Variants in MSRA observed in about 807,000 individuals in gnomAD.
MSRA encodes methionine sulfoxide reductase A.
Under a neutral mutation model 31.3 loss-of-function variants are expected in MSRA, and 54 were observed. The observed-to-expected ratio is 1.73, with a 90% CI of 1.39 to 2.17. The LOEUF (loss-of-function observed/expected upper bound fraction) is 2.17, where lower values mean the gene tolerates loss of function less well. MSRA is among the 30% of genes most tolerant of loss of function. The pLI, the probability that MSRA is intolerant of heterozygous loss-of-function variation, is 0.00. For missense variants in MSRA, 507 were observed against 300.9 expected (o/e 1.69, Z -5.07); for synonymous variants, 169 against 116.5 (o/e 1.45, Z -2.90).
At chr8:10,060,779 A>G (rs1052775694) in intron 1 of MSRA, among the ~76,000 whole-genome samples, 8 of 152,042 alleles carry the variant, frequency 5.3e-5, no homozygotes, top group African/African-American at 1.7e-4. Flanking sequence ...AATCCAAGTC[A>G]TTTTACATTT....
intron 5 of MSRA, among the ~76,000 whole-genome samples, chr8:10,393,853 C>G (rs936415158): frequency 6.6e-6 from 1 of 152,178 alleles, no homozygotes; most frequent in Admixed American, 6.5e-5. Flanking sequence ...TACATGGTCA[C>G]TATTCAGGCT....
At chr8:10,317,153 G>C (rs183594969) in intron 4 of MSRA, among the ~76,000 whole-genome samples, 1 of 152,214 alleles carries the variant, frequency 6.6e-6, no homozygotes, top group African/African-American at 2.4e-5. Context: ...CCCTAAGATA[G>C]AGATAGCGAT....
At chr8:10,199,126 A>G (rs1378859974) in intron 1 of MSRA, among the ~76,000 whole-genome samples, 1 of 152,118 alleles carries the variant, frequency 6.6e-6, no homozygotes, top group African/African-American at 2.4e-5. Context: ...TTGCAGAATC[A>G]TGGATGCCTG....
intron 3 of MSRA, among the ~76,000 whole-genome samples, chr8:10,248,025 G>A (rs371065727): frequency 6.6e-6 from 1 of 152,278 alleles, no homozygotes. Context: ...GAAGCCTCTG[G>A]TGCTCAAAGC....
rs576781815 is a variant in MSRA at position 10,272,321 on chromosome 8, G to A, written c.331+27098G>A. On this transcript the variant is annotated intron_variant, in intron 3 of 5. Coordinates refer to ENST00000317173, the MANE Select transcript of MSRA (RefSeq NM_012331.5). ...CTGGTGAGTTCCAAGATCTAAGCTG[G>A]AGAACAAGAGAGCTGATGGCATAGT... Among the ~76,000 whole-genome samples the A allele has an allele frequency of 1.3e-4, 20 of 152,256 alleles. No homozygotes were observed. The South Asian group carries it at 3.9e-3, about 30-fold the overall frequency.
chr8:10,180,736 A>G (rs555353370), intron 1 of MSRA, among the ~76,000 whole-genome samples: 1 of 152,114 alleles, frequency 6.6e-6, no homozygotes, highest in Non-Finnish European at 1.5e-5. Flanking sequence ...TATTTCGTGT[A>G]TTTTTGTCTG....
chr8:10,355,744 G>GAAT (rs1804470037), intron 5 of MSRA, among the ~76,000 whole-genome samples: 1 of 152,114 alleles, frequency 6.6e-6, no homozygotes, highest in African/African-American at 2.4e-5. Flanking sequence ...CCTGGGTGAG[G>GAAT]GTCTGCAGAT....
chr8:10,156,571 G>A (rs1939285984), intron 1 of MSRA, among the ~76,000 whole-genome samples: 1 of 152,266 alleles, frequency 6.6e-6, no homozygotes, highest in Admixed American at 6.5e-5. Context: ...TAAACAATAA[G>A]TAAAACTAAG....
intron 2 of MSRA, among the ~76,000 whole-genome samples, chr8:10,232,143 G>A (rs1655094728): frequency 6.6e-6 from 1 of 152,154 alleles, no homozygotes; most frequent in Non-Finnish European, 1.5e-5. Flanking sequence ...GTACGTGGCT[G>A]TGTTCTGAGT....
chr8:10,271,350 A>C (rs1379670683), intron 3 of MSRA, among the ~76,000 whole-genome samples: 1 of 152,148 alleles, frequency 6.6e-6, no homozygotes, highest in African/African-American at 2.4e-5. Flanking sequence ...TAAATATATG[A>C]GTGTGTTTTT....
At chr8:10,146,087 G>A (rs919020710) in intron 1 of MSRA, among the ~76,000 whole-genome samples, 1 of 152,202 alleles carries the variant, frequency 6.6e-6, no homozygotes, top group African/African-American at 2.4e-5. Flanking sequence ...TCAGAGCTGA[G>A]TTAGAAATGG....
intron 1 of MSRA, among the ~76,000 whole-genome samples, chr8:10,062,627 C>T (rs1278344812): frequency 7.2e-5 from 11 of 152,144 alleles, no homozygotes; most frequent in Admixed American, 5.9e-4. Context: ...GGCACATAAT[C>T]GGTAAGTCCA....
intron 1 of MSRA, among the ~76,000 whole-genome samples, chr8:10,189,889 G>T (rs1807364438): frequency 6.6e-6 from 1 of 152,136 alleles, no homozygotes; most frequent in African/African-American, 2.4e-5. Flanking sequence ...GTTTACATAG[G>T]ATTGATATTA....
intron 3 of MSRA, among the ~76,000 whole-genome samples, chr8:10,262,334 T>G (rs780552806): frequency 3.3e-5 from 5 of 152,266 alleles, no homozygotes; most frequent in Non-Finnish European, 5.9e-5. Flanking sequence ...ACCATTTTGC[T>G]ACCAGCAGTG....
At chr8:10,165,347 A>AAAACAAAC (rs142564475) in intron 1 of MSRA, among the ~76,000 whole-genome samples, 10 of 151,998 alleles carry the variant, frequency 6.6e-5, no homozygotes, top group African/African-American at 1.2e-4. Context: ...CTTTTTTTAA[A>AAAACAAAC]AAACAAACAA....
chr8:10,412,144 A>G (rs1166037410), intron 5 of MSRA, among the ~76,000 whole-genome samples: 1 of 152,266 alleles, frequency 6.6e-6, no homozygotes, highest in Non-Finnish European at 1.5e-5. Flanking sequence ...TTGATGAATG[A>G]TAGTGAATAG....
At chr8:10,066,133 C>T (rs1406701871) in intron 1 of MSRA, among the ~76,000 whole-genome samples, 1 of 152,154 alleles carries the variant, frequency 6.6e-6, no homozygotes, top group Non-Finnish European at 1.5e-5. Context: ...AGCGATTCTC[C>T]ATACCTCAGC....
intron 1 of MSRA, among the ~76,000 whole-genome samples, chr8:10,107,634 A>G (rs1409071008): frequency 2.6e-5 from 4 of 152,236 alleles, no homozygotes; most frequent in African/African-American, 4.8e-5. Context: ...AAAGAAAACC[A>G]CAAAAACCCA....
chr8:10,346,127 C>T (rs990375622), intron 5 of MSRA, among the ~76,000 whole-genome samples: 13 of 152,202 alleles, frequency 8.5e-5, no homozygotes, highest in African/African-American at 3.1e-4. Context: ...CCTAAGGATA[C>T]CAGGCCATCC....
Sources: allele counts gnomAD v4.1 joint callset (sites outside exome capture counted in the v4.1 genomes callset), GRCh38; gene constraint gnomAD v4.1.1; transcripts MANE v1.5; gene names NCBI Gene and HGNC (gene_info 2026-07-23, HGNC 2026-07-21).